GRIK2: variants seen among roughly 807,000 people sequenced by gnomAD.
GRIK2 encodes the protein glutamate receptor ionotropic, kainate 2.
Under a neutral mutation model 100.3 loss-of-function variants are expected in GRIK2, and 32 were observed. The observed-to-expected ratio is 0.32, with a 90% confidence interval of 0.24 to 0.43. The LOEUF (loss-of-function observed/expected upper bound fraction) is 0.43. Among genes scored for constraint, GRIK2 ranks in the 20% least tolerant of loss-of-function variants. The pLI is 1.00. For missense variants in GRIK2, 843 were observed against 1,114.9 expected, an observed-to-expected ratio of 0.76 and a Z score of 3.47; for synonymous variants, 417 against 389.4, an observed-to-expected ratio of 1.07 and a Z score of -0.83.
At chr6:101,906,259 A>G (rs1033721135) in intron 12 of GRIK2, among the ~76,000 whole-genome samples, 1 of 151,636 alleles carries the variant, frequency 6.6e-6, no homozygotes, top group South Asian at 2.1e-4. Flanking sequence ...AGAGACAATT[A>G]GCAATTTCTC....
chr6:101,699,003 A>G (rs1165158889), intron 7 of GRIK2, among the ~76,000 whole-genome samples: 1 of 152,142 alleles, frequency 6.6e-6, no homozygotes, highest in Admixed American at 6.6e-5. Flanking sequence ...TGATAAGTCA[A>G]AGAAACTCAG....
chr6:101,687,701 T>A (rs1771796053), intron 7 of GRIK2, among the ~76,000 whole-genome samples: 1 of 151,872 alleles, frequency 6.6e-6, no homozygotes, highest in Non-Finnish European at 1.5e-5. Flanking sequence ...AAAAATCACC[T>A]ACTAGAATTT....
rs376148287 is a variant in GRIK2, at chr6:102,068,546, G to A, written c.*35G>A. 53 of 1,589,240 alleles carry A rather than the reference G, an allele frequency of 3.3e-5. No individual in the cohort carries two copies. The Middle Eastern group carries it at 5.1e-4, about 15-fold the overall frequency. On this transcript the variant is annotated 3_prime_UTR_variant, in exon 17 of 17. Coordinates refer to ENST00000369134, the MANE Select transcript of GRIK2 (RefSeq NM_021956.5). ...GCCAAACACCCAAGCACAAACTGTC[G>A]TCTTTTTCCAAACAATTTAGCCAGA...
chr6:101,446,296 G>T (rs936188042), intron 2 of GRIK2, among the ~76,000 whole-genome samples: 2 of 151,818 alleles, frequency 1.3e-5, no homozygotes, highest in Admixed American at 6.6e-5. Context: ...GATAGCAAAG[G>T]TTTGAGTGAG....
rs142601503 is a variant in GRIK2, at chr6:101,643,619, T to A, written c.541+16982T>A. Among the ~76,000 whole-genome samples, 44 of 151,758 alleles carry A rather than the reference T, an allele frequency of 2.9e-4. No homozygotes were observed. The East Asian group carries it at 8.1e-3, about 28-fold the overall frequency. On this transcript the variant is annotated intron_variant, in intron 4 of 16. Transcript: ENST00000369134. ...GTCTGCCTTTGTGCCAGTATCATAC[T>A]GTTTTAACTAGCTTTGTAATAAGTT...
At chr6:101,761,133 A>G (rs1777633511) in intron 7 of GRIK2, among the ~76,000 whole-genome samples, 1 of 152,142 alleles carries the variant, frequency 6.6e-6, no homozygotes, top group Non-Finnish European at 1.5e-5. Flanking sequence ...TTCAGGGAGA[A>G]GAGGACTGCT....
At chr6:101,546,182 AAC>A (rs1180582597) in intron 2 of GRIK2, among the ~76,000 whole-genome samples, 2 of 152,210 alleles carry the variant, frequency 1.3e-5, no homozygotes, top group African/African-American at 4.8e-5. Flanking sequence ...AATAACAATA[AAC>A]ACAAGAAAAT....
intron 2 of GRIK2, among the ~76,000 whole-genome samples, chr6:101,427,368 T>C (rs906148900): frequency 6.6e-6 from 1 of 152,232 alleles, no homozygotes; most frequent in Non-Finnish European, 1.5e-5. Context: ...TAATCCTGTT[T>C]TGGAAGTTAC....
chr6:102,058,197 T>C (rs1364141744), intron 16 of GRIK2, among the ~76,000 whole-genome samples: 4 of 151,786 alleles, frequency 2.6e-5, no homozygotes, highest in South Asian at 2.1e-4. Context: ...ATTAACAGTA[T>C]TGTATTCTTG....
At position 101,604,638 on chromosome 6, in the gene GRIK2, T is replaced by C. The variant is rs566621615; in HGVS notation, c.116-17311T>C. On this transcript the variant is annotated intron_variant, in intron 2 of 16. Transcript: ENST00000369134. ...AGTTTCAGAGCCGAGGATGATAAAC[T>C]ATGCTATTTGAAGGGCTGTTAGAAG... Among the ~76,000 whole-genome samples, 4 of 152,050 alleles carry C rather than the reference T, an allele frequency of 2.6e-5. No individual in the cohort carries two copies. In the South Asian group the frequency reaches 8.3e-4, roughly 32 times the overall value.
At chr6:101,902,777 A>T (rs1252717437) in intron 12 of GRIK2, among the ~76,000 whole-genome samples, 1 of 151,892 alleles carries the variant, frequency 6.6e-6, no homozygotes, top group Admixed American at 6.6e-5. Context: ...ACTCTTTAAG[A>T]TAATTTAGTT....
At chr6:101,761,302 A>T (rs527879389) in intron 7 of GRIK2, among the ~76,000 whole-genome samples, 1 of 152,272 alleles carries the variant, frequency 6.6e-6, no homozygotes, top group Admixed American at 6.5e-5. Context: ...AATGAAGGGA[A>T]AGCAAGAACA....
At chr6:101,486,595 G>A (rs1772848328) in intron 2 of GRIK2, among the ~76,000 whole-genome samples, 1 of 152,122 alleles carries the variant, frequency 6.6e-6, no homozygotes, top group African/African-American at 2.4e-5. Context: ...CCAAATTGGA[G>A]GGGGAGAGCC....
chr6:101,460,000 GC>G (rs1480939763), intron 2 of GRIK2, among the ~76,000 whole-genome samples: 1 of 152,052 alleles, frequency 6.6e-6, no homozygotes, highest in African/African-American at 2.4e-5. Context: ...TAGGTGGTCT[GC>G]CCACCTCGGC....
At chr6:101,875,638 C>T (rs543473031) in intron 11 of GRIK2, among the ~76,000 whole-genome samples, 2 of 151,846 alleles carry the variant, frequency 1.3e-5, no homozygotes, top group African/African-American at 2.4e-5. Flanking sequence ...ACTTCTTTTA[C>T]ATTGAATGAG....
chr6:101,592,526 G>A (rs930891490), intron 2 of GRIK2, among the ~76,000 whole-genome samples: 1 of 145,980 alleles, frequency 6.9e-6, no homozygotes, highest in Non-Finnish European at 1.5e-5. Flanking sequence ...ATCAGCTGAA[G>A]GAATGTATCC....
chr6:101,836,639 ATG>A (rs1250344741), intron 10 of GRIK2, among the ~76,000 whole-genome samples: 1 of 119,954 alleles, frequency 8.3e-6, no homozygotes, highest in Admixed American at 9.4e-5. Context: ...ATATATATGT[ATG>A]TGTATATATA....
At chr6:101,664,655 A>C (rs1010990504) in intron 4 of GRIK2, among the ~76,000 whole-genome samples, 1 of 152,240 alleles carries the variant, frequency 6.6e-6, no homozygotes, top group African/African-American at 2.4e-5. Flanking sequence ...CAGAAACAGC[A>C]TATTGACTTT....
chr6:101,790,119 G>A (rs567126316), intron 7 of GRIK2, among the ~76,000 whole-genome samples: 2 of 152,204 alleles, frequency 1.3e-5, no homozygotes, highest in South Asian at 4.1e-4. Context: ...GAGACAATGG[G>A]GTTTTCTAGA....
Sources: gnomAD v4.1 joint callset for allele counts (sites outside exome capture counted in the v4.1 genomes callset) on GRCh38, gnomAD v4.1.1 for gene constraint, MANE v1.5 for transcripts, NCBI Gene and HGNC (gene_info 2026-07-23, HGNC 2026-07-21) for gene names.